Variants in FXR1 observed in about 807,000 individuals in gnomAD.
The protein encoded by FXR1 is RNA-binding protein FXR1.
FXR1 carries 15 observed loss-of-function variants against 84.0 expected under a neutral mutation model. That is an observed-to-expected ratio of 0.18 (90% CI 0.12 to 0.27). The LOEUF (loss-of-function observed/expected upper bound fraction) is 0.27, where lower values mean the gene tolerates loss of function less well. FXR1 is among the 10% of genes least tolerant of loss of function. The pLI is 1.00. For synonymous variants in FXR1, 245 were observed against 250.7 expected, an observed-to-expected ratio of 0.98 and a Z score of 0.21; for missense variants, 480 against 774.4, an observed-to-expected ratio of 0.62 and a Z score of 4.51.
intron 1 of FXR1, chr3:180,915,288 T>C: frequency 1.9e-6 from 1 of 517,628 alleles, no homozygotes; most frequent in Non-Finnish European, 3.4e-6. Flanking sequence ...TGTGGTGGTG[T>C]CAGCATTTAT....
intron 13 of FXR1, among the ~76,000 whole-genome samples, chr3:180,967,517 T>G (rs1313828065): frequency 6.6e-6 from 1 of 152,012 alleles, no homozygotes; most frequent in Non-Finnish European, 1.5e-5. Flanking sequence ...GCAGAAACAT[T>G]TGACTATCCA....
At chr3:180,928,062 G>C (rs1025158119) in intron 1 of FXR1, among the ~76,000 whole-genome samples, 1 of 150,382 alleles carries the variant, frequency 6.6e-6, no homozygotes, top group Non-Finnish European at 1.5e-5. Context: ...TAGATAATTG[G>C]CTCCTGATTT....
At chr3:180,954,072 G>T (rs1722498097) in intron 9 of FXR1, 1 of 359,992 alleles carries the variant, frequency 2.8e-6, no homozygotes, top group Non-Finnish European at 5.0e-6. Context: ...TCACTAATAA[G>T]GCCCAGGGTT....
At chr3:180,956,969 A>T (rs768335336) in intron 9 of FXR1, among the ~76,000 whole-genome samples, 10 of 152,188 alleles carry the variant, frequency 6.6e-5, no homozygotes, top group Non-Finnish European at 1.0e-4. Flanking sequence ...CTTGATAACA[A>T]ATATGCTGTC....
rs777012327 is a variant in FXR1 at position 180,963,012 on chromosome 3, G to A, written c.1136-16G>A. The stretch of plus-strand genomic sequence containing the variant: ...AGGATATGCCACTGATGAAAGTACC[G>A]TCTCTTCTGTACAAGGTTCTAGGTC... On this transcript the variant is annotated splice_polypyrimidine_tract_variant and intron_variant, in intron 12 of 16. Coordinates refer to ENST00000357559, the MANE Select transcript of FXR1 (RefSeq NM_005087.4). 15 of 1,606,942 alleles carry A rather than the reference G, an allele frequency of 9.3e-6. No homozygotes were observed. The highest frequency in any genetic ancestry group is 3.3e-5 in the South Asian group (3 of 90,928).
Position 180,976,136 on chromosome 3 carries a change from T to G in FXR1, c.1710T>G (p.Ile570Met). Residue 570 changes from isoleucine to methionine, a missense_variant, in exon 17 of 17, where the codon ATT becomes ATG. Transcript: ENST00000357559. ...CCCTTTGGCAGGCAAAAGATGTGATTGAAGAGCATGGTCCTTCAGAAAAGG... is the reference window on the plus strand; with the variant it reads ...CCCTTTGGCAGGCAAAAGATGTGATGGAAGAGCATGGTCCTTCAGAAAAGG... ...KNKKEMAKDVIEEHGPSEKAI... is the reference protein window; with the variant it reads ...KNKKEMAKDVMEEHGPSEKAI... The G allele has an allele frequency of 6.2e-7, 1 of 1,607,452 alleles. No homozygotes were observed. Among genetic ancestry groups the G allele is most frequent in the Non-Finnish European group, 8.5e-7 (1 of 1,177,974 alleles).
chr3:180,948,168 T>C, intron 4 of FXR1, 179 bp from the exon 5 acceptor site: 1 of 621,922 alleles, frequency 1.6e-6, no homozygotes, highest in South Asian at 2.1e-5. Flanking sequence ...AGGTTCATGC[T>C]TGTAAGAACC....
chr3:180,957,264 C>A (rs775484949), intron 9 of FXR1, among the ~76,000 whole-genome samples: 1 of 152,060 alleles, frequency 6.6e-6, no homozygotes, highest in Non-Finnish European at 1.5e-5. Flanking sequence ...CATGTACATG[C>A]TTTATGTCAT....
chr3:180,978,781 T>C lies in FXR1; in HGVS notation c.*2489T>C, dbSNP rs962906235. ...CAGCATATATATGTGAATTCATATA[T>C]GACACCTGAACGGAATCATGAAGTA... On this transcript the variant is annotated 3_prime_UTR_variant, in exon 17 of 17. Transcript: ENST00000357559. 2 of 152,108 alleles carry C rather than the reference T, an allele frequency of 1.3e-5. No individual in the cohort carries two copies. The highest frequency in any genetic ancestry group is 3.9e-4 in the East Asian group (2 of 5,190). 9.4% of individuals were successfully genotyped at this position (152,108 alleles called of 1,614,324 possible). A position where few individuals can be genotyped will look rare whatever the true frequency, so the allele number is the denominator to read the frequency against.
At position 180,942,377 on chromosome 3, in the gene FXR1, CAAAAAAAAAAA is replaced by C. The variant is rs765066164; in HGVS notation, c.199-5470_199-5460del. ...TGGGCGACAGAGCGAGACTCCGTCT[CAAAAAAAAAAA>C]AAAAAAAAAAAAAAAAAGGCATAGG... On this transcript the variant is annotated intron_variant, in intron 3 of 16. Transcript: ENST00000357559. 7.2e-3 allele frequency among the ~76,000 whole-genome samples: 223 copies of C among 31,122 alleles called. 1 individual carries two copies. Among genetic ancestry groups the C allele is most frequent in the Admixed American group, 0.013 (25 of 1,890 alleles). The allele number at this position is 31,122 out of a possible 152,430, so 20.4% of individuals were successfully genotyped here.
chr3:180,915,184 G>A (rs1717735633), intron 1 of FXR1, among the ~76,000 whole-genome samples: 1 of 151,434 alleles, frequency 6.6e-6, no homozygotes, highest in Admixed American at 6.6e-5. Flanking sequence ...AAAAGTTAAT[G>A]TTAATTTACA....
chr3:180,912,808 C>T (rs1717377473), intron 1 of FXR1, 72 bp downstream of exon 1: 1 of 1,611,794 alleles, frequency 6.2e-7, no homozygotes, highest in Admixed American at 1.7e-5. Context: ...TTGGTGGTCC[C>T]AGAGAGTGAG....
intron 15 of FXR1, chr3:180,971,648 T>C (rs1464132600): frequency 6.5e-6 from 1 of 152,706 alleles, no homozygotes; most frequent in African/African-American, 2.4e-5. Context: ...ATGCGAGGAA[T>C]GCATGTTGTT....
At chr3:180,964,698 T>TATAA (rs1712590803) in intron 13 of FXR1, among the ~76,000 whole-genome samples, 2 of 143,776 alleles carry the variant, frequency 1.4e-5, no homozygotes, top group Non-Finnish European at 3.1e-5. Flanking sequence ...TATATATATA[T>TATAA]ATAATGAGTA....
In FXR1 at chr3:180,953,628, C is replaced by T. The variant is rs185471264; in HGVS notation, c.802-134C>T. The T allele has an allele frequency of 7.4e-6, 4 of 539,806 alleles. No homozygotes were observed. In the East Asian group the frequency reaches 1.2e-4, roughly 16 times the overall value. The allele number at this position is 539,806 out of a possible 1,614,324, so 33.4% of individuals were successfully genotyped here. A position where few individuals can be genotyped will look rare whatever the true frequency, so the allele number is the denominator to read the frequency against. ...AATCACTTCACCTGAAATCTCTCCCCAGTGGAATGAGCATAATCTTTTAGT... is the reference window on the plus strand; with the variant it reads ...AATCACTTCACCTGAAATCTCTCCCTAGTGGAATGAGCATAATCTTTTAGT... On this transcript the variant is annotated intron_variant, in intron 8 of 16. Transcript: ENST00000357559.
At chr3:180,957,717 G>A in intron 9 of FXR1, 102 bp from the exon 10 acceptor site, 2 of 595,628 alleles carry the variant, frequency 3.4e-6, no homozygotes, top group East Asian at 5.7e-5. Context: ...TTCACTTGAT[G>A]GTTGTAATTT....
At chr3:180,954,464 A>G (rs1014453054) in intron 9 of FXR1, among the ~76,000 whole-genome samples, 11 of 152,212 alleles carry the variant, frequency 7.2e-5, no homozygotes, top group Admixed American at 7.2e-4. Flanking sequence ...ATTTGAAGCT[A>G]TGGTTAAATG....
chr3:180,970,108 T>G, intron 14 of FXR1, 50 bp from the exon 15 acceptor site: 1 of 943,470 alleles, frequency 1.1e-6, no homozygotes, highest in East Asian at 2.4e-5. Context: ...CAAACATTCA[T>G]AATTGCAGTA....
chr3:180,918,252 A>G (rs1318410636), intron 1 of FXR1, among the ~76,000 whole-genome samples: 1 of 151,958 alleles, frequency 6.6e-6, no homozygotes, highest in African/African-American at 2.4e-5. Context: ...TTCTATATGT[A>G]TTTCCTGATT....
Sources: allele counts gnomAD v4.1 joint callset (sites outside exome capture counted in the v4.1 genomes callset), GRCh38; gene constraint gnomAD v4.1.1; transcripts MANE v1.5; gene names NCBI Gene and HGNC (gene_info 2026-07-23, HGNC 2026-07-21).